Variants in ABI2 observed in about 807,000 individuals in gnomAD.
The protein encoded by ABI2 is abl interactor 2.
In ABI2, 25 loss-of-function variants were observed where a neutral mutation model predicts 59.2. The observed-to-expected ratio is 0.42, with a 90% CI of 0.31 to 0.59. ABI2 has a LOEUF of 0.59. ABI2 is among the 20% of genes least tolerant of loss of function. ABI2 has a pLI of 0.14. For missense variants in ABI2, 545 were observed against 681.8 expected, an observed-to-expected ratio of 0.80 and a Z score of 2.23; for synonymous variants, 213 against 235.5, an observed-to-expected ratio of 0.90 and a Z score of 0.87.
intron 6 of ABI2, chr2:203,395,231 C>G (rs1265090845): frequency 8.8e-6 from 5 of 570,538 alleles, no homozygotes; most frequent in Non-Finnish European, 1.5e-5. Context: ...TTACTCAAAT[C>G]TGTTTAGGAA....
At chr2:203,358,093 G>A (rs2092645039) in intron 1 of ABI2, among the ~76,000 whole-genome samples, 1 of 144,790 alleles carries the variant, frequency 6.9e-6, no homozygotes, top group African/African-American at 2.5e-5. Flanking sequence ...GTGTGTGTGT[G>A]TGTGTGTGTG....
chr2:203,382,145 C>A, intron 3 of ABI2, 44 bp from the exon 4 acceptor site: 4 of 1,499,860 alleles, frequency 2.7e-6, no homozygotes, highest in Non-Finnish European at 3.5e-6. Context: ...CCTTTCAATG[C>A]TTTTTTTCCT....
intron 2 of ABI2, among the ~76,000 whole-genome samples, chr2:203,368,678 A>G (rs775086263): frequency 1.3e-4 from 20 of 152,154 alleles, no homozygotes; most frequent in Non-Finnish European, 2.6e-4. Flanking sequence ...TTCTGCAGAC[A>G]TATCATTTAT....
At chr2:203,410,815 A>G (rs2097639192) in intron 9 of ABI2, among the ~76,000 whole-genome samples, 2 of 152,020 alleles carry the variant, frequency 1.3e-5, no homozygotes, top group South Asian at 4.1e-4. Context: ...GGGATGTAAT[A>G]TTTTTTTCTC....
chr2:203,372,601 G>T (rs1332357713), intron 2 of ABI2, among the ~76,000 whole-genome samples: 1 of 149,334 alleles, frequency 6.7e-6, no homozygotes, highest in East Asian at 2.0e-4. Context: ...GTGGCTGGGC[G>T]GGGGACTGAC....
intron 1 of ABI2, 64 bp downstream of exon 1, chr2:203,328,695 G>T: frequency 8.4e-7 from 1 of 1,188,412 alleles, no homozygotes; most frequent in Non-Finnish European, 1.1e-6. Flanking sequence ...GCGCCTCGGG[G>T]CGTGGGGCCG....
At chr2:203,364,122 C>T in intron 1 of ABI2, among the ~76,000 whole-genome samples, 1 of 147,146 alleles carries the variant, frequency 6.8e-6, no homozygotes, top group Non-Finnish European at 1.5e-5. Flanking sequence ...TATTTTGAGA[C>T]AGAGTTTCTT....
At chr2:203,389,152 A>T (rs2096646364) in intron 4 of ABI2, among the ~76,000 whole-genome samples, 1 of 152,218 alleles carries the variant, frequency 6.6e-6, no homozygotes, top group Admixed American at 6.5e-5. Flanking sequence ...ATTTTTTTAA[A>T]AAAACTTTTT....
chr2:203,351,468 A>G lies in ABI2; in HGVS notation c.118-15409A>G, dbSNP rs1251051142. ...TAACTTTTCTGATCCATGAACATGG[A>G]TGTCTTTTCATTTACATCATCTTAA... On this transcript the variant is annotated intron_variant, in intron 1 of 11. Transcript: ENST00000261018. The G allele has an allele frequency of 1.0e-5, 4 of 394,018 alleles. No individual in the cohort carries two copies. The Admixed American group carries it at 1.3e-4, about 13-fold the overall frequency. 24.4% of individuals were successfully genotyped at this position (394,018 alleles called of 1,614,324 possible).
rs1156839393 is a variant in ABI2 at position 203,380,196 on chromosome 2, T to C, written c.286-12T>C. ...TACATTTTTGTGTTGTTTTTTACAT[T>C]ATATTTTGCAGACAGTTGATATTCA... On this transcript the variant is annotated splice_polypyrimidine_tract_variant and intron_variant, in intron 2 of 11. Transcript: ENST00000261018. The C allele has an allele frequency of 6.6e-7, 1 of 1,522,256 alleles. No individual in the cohort carries two copies. The highest frequency in any genetic ancestry group is 1.3e-5 in the South Asian group (1 of 77,844). 94.3% of individuals were successfully genotyped at this position (1,522,256 alleles called of 1,614,324 possible).
intron 1 of ABI2, among the ~76,000 whole-genome samples, chr2:203,331,976 A>G (rs1262482763): frequency 1.3e-5 from 2 of 151,340 alleles, no homozygotes; most frequent in African/African-American, 4.9e-5. Context: ...CGCCCAGCTA[A>G]TTTTTGTATT....
At position 203,331,934 on chromosome 2, in the gene ABI2, C is replaced by T. The variant is rs376662974; in HGVS notation, c.117+3303C>T. On this transcript the variant is annotated intron_variant, in intron 1 of 11. Transcript: ENST00000261018. ...AAGTGATTGTCCTGCCTCAGCCTCC[C>T]GAGTAGCTGGGATTACAGGCACGTG... Among the ~76,000 whole-genome samples, 10 of 151,684 alleles carry T rather than the reference C, an allele frequency of 6.6e-5. No individual in the cohort carries two copies. In the South Asian group the frequency reaches 1.0e-3, roughly 16 times the overall value.
rs538358191 is a variant in ABI2, at chr2:203,431,522, A to T, written c.*4170A>T. On this transcript the variant is annotated 3_prime_UTR_variant, in exon 12 of 12. Coordinates refer to ENST00000261018, the MANE Select transcript of ABI2 (RefSeq NM_001375670.1). Reference sequence around the variant, plus strand: ...CTACACTCAGTATAAACACTTTCCCATAAGGTGTGTGCAGTAAAAATGTTA... The same window carrying T: ...CTACACTCAGTATAAACACTTTCCCTTAAGGTGTGTGCAGTAAAAATGTTA... 6.6e-6 allele frequency: 1 copy of T among 152,558 alleles called. No homozygotes were observed. Among genetic ancestry groups the T allele is most frequent in the Non-Finnish European group, 1.5e-5 (1 of 68,022 alleles). 9.5% of individuals were successfully genotyped at this position (152,558 alleles called of 1,614,324 possible).
intron 1 of ABI2, among the ~76,000 whole-genome samples, chr2:203,330,609 A>G (rs1472222702): frequency 1.3e-5 from 2 of 152,152 alleles, no homozygotes; most frequent in African/African-American, 2.4e-5. Context: ...GGATTTCACA[A>G]TCTCTAGTAG....
chr2:203,400,079 C>CTTTTTTTT (rs10581610), intron 8 of ABI2, among the ~76,000 whole-genome samples: 1 of 59,510 alleles, frequency 1.7e-5, no homozygotes, highest in East Asian at 5.6e-4. Context: ...TGAATAGTGT[C>CTTTTTTTT]TTTTTTTTTT....
At position 203,395,432 on chromosome 2, in the gene ABI2, AAT is replaced by A. The variant is rs375911001; in HGVS notation, c.726-208_726-207del. Reference sequence around the variant, plus strand: ...TTCCCCTCAACTTTATTAATAAGTAAATATATATATATATATACACACACACA... The same window carrying A: ...TTCCCCTCAACTTTATTAATAAGTAAATATATATATATATACACACACACA... On this transcript the variant is annotated intron_variant, in intron 6 of 11. Transcript: ENST00000261018. Among the ~76,000 whole-genome samples the A allele has an allele frequency of 2.0e-3, 226 of 113,320 alleles. 2 individuals are homozygous for A. The highest frequency in any genetic ancestry group is 8.8e-3 in the Admixed American group (86 of 9,762). 74.3% of individuals were successfully genotyped at this position (113,320 alleles called of 152,430 possible). A position where few individuals can be genotyped will look rare whatever the true frequency, so the allele number is the denominator to read the frequency against.
At chr2:203,373,295 C>T (rs939779492) in intron 2 of ABI2, among the ~76,000 whole-genome samples, 11 of 152,210 alleles carry the variant, frequency 7.2e-5, no homozygotes, top group Non-Finnish European at 1.5e-4. Context: ...ACCCCGTCTC[C>T]ACCAAAAAAG....
chr2:203,364,577 A>G (rs2094114815), intron 1 of ABI2, among the ~76,000 whole-genome samples: 2 of 152,162 alleles, frequency 1.3e-5, no homozygotes, highest in South Asian at 4.1e-4. Flanking sequence ...TGAGCCCCAA[A>G]TAACTTTTTG....
chr2:203,363,834 G>A (rs1360507068), intron 1 of ABI2, among the ~76,000 whole-genome samples: 3 of 151,732 alleles, frequency 2.0e-5, no homozygotes, highest in African/African-American at 7.3e-5. Flanking sequence ...GTGCGATCTC[G>A]GCTCACTGCA....
Sources: gnomAD v4.1 joint callset for allele counts (sites outside exome capture counted in the v4.1 genomes callset) on GRCh38, gnomAD v4.1.1 for gene constraint, MANE v1.5 for transcripts, NCBI Gene and HGNC (gene_info 2026-07-23, HGNC 2026-07-21) for gene names.